Variants in PLXNB2 observed in about 807,000 individuals in gnomAD.
PLXNB2 encodes plexin-B2.
In PLXNB2, 85 loss-of-function variants were observed where a neutral mutation model predicts 202.6. That is an observed-to-expected ratio of 0.42 (90% CI 0.35 to 0.50). The LOEUF is 0.50. Among genes scored for constraint, PLXNB2 ranks in the 20% least tolerant of loss-of-function variants. The pLI, the probability that PLXNB2 is intolerant of heterozygous loss-of-function variation, is 0.02. For synonymous variants in PLXNB2, 1,239 were observed against 1,137.6 expected (o/e 1.09, Z -1.79); for missense variants, 2,063 against 2,586.2 (o/e 0.80, Z 4.39).
rs899290181 is a variant in PLXNB2 at position 50,291,934 on chromosome 22, G to A, written c.-13-1337C>T. 6.6e-6 allele frequency among the ~76,000 whole-genome samples: 1 copy of A among 152,174 alleles called. No homozygotes were observed. Among genetic ancestry groups the A allele is most frequent in the Non-Finnish European group, 1.5e-5 (1 of 68,028 alleles). ...TGGCCTCCCCCACCTCCCTGTGCAG[G>A]CCCACCCCGTGCCTCCAGAGGGACT... On this transcript the variant is annotated intron_variant, in intron 2 of 36. Coordinates refer to ENST00000359337, the MANE Select transcript of PLXNB2 (RefSeq NM_012401.4). This position sits in a 1 kb window ranked among gnomAD's most constrained non-coding sequence, Gnocchi z 4.3.
At chr22:50,295,450 G>A (rs1189727031) in intron 1 of PLXNB2, among the ~76,000 whole-genome samples, 2 of 152,122 alleles carry the variant, frequency 1.3e-5, no homozygotes, top group African/African-American at 4.8e-5. Context: ...GAGACAGAAT[G>A]GTGAGCTACC....
chr22:50,287,644 C>G (rs1221168607), intron 7 of PLXNB2, 23 bp downstream of exon 7: 2 of 1,530,874 alleles, frequency 1.3e-6, no homozygotes. Context: ...GCCCAGGACC[C>G]CCACCCCAGA....
At chr22:50,287,838 C>G (rs779368724) in intron 6 of PLXNB2, 45 bp from the exon 7 acceptor site, 27 of 1,595,598 alleles carry the variant, frequency 1.7e-5, no homozygotes, top group Non-Finnish European at 2.3e-5. Flanking sequence ...GAGTCTTGTT[C>G]TCCCGGGACA....
chr22:50,286,422 C>T (rs914582768), intron 8 of PLXNB2, 135 bp from the exon 9 acceptor site: 5 of 633,688 alleles, frequency 7.9e-6, no homozygotes, highest in African/African-American at 1.8e-5. Context: ...GGACGCCCCG[C>T]ATTCATGTTG....
rs772435940 is a variant in PLXNB2, at chr22:50,280,539, C to A, written c.4125G>T (p.Glu1375Asp). The A allele has an allele frequency of 1.2e-6, 2 of 1,611,782 alleles. No individual in the cohort carries two copies. ...TGGCCACCACGTACTGCTCCAGGAG[C>A]TCCAGGAAGAGCGTGTGCATGATGT... ...YTDIMHTLFL[E>D]LLEQYVVAKN... The change falls in exon 25 of 37, where the codon GAG becomes GAT. Residue 1375 changes from glutamate to aspartate, a missense_variant. By Grantham distance (45) the Glu-to-Asp change is conservative. Coordinates refer to ENST00000359337, the MANE Select transcript of PLXNB2 (RefSeq NM_012401.4).
chr22:50,275,262 T>C lies in PLXNB2; in HGVS notation c.*442A>G, dbSNP rs2065465573. On this transcript the variant is annotated 3_prime_UTR_variant, in exon 37 of 37. Transcript: ENST00000359337. The stretch of plus-strand genomic sequence containing the variant: ...GGCATCGTACCGCTTTTTCTCCTCC[T>C]CCCATCTCGTGGTGGACAGACAGAC... 1 of 388,194 alleles carries C rather than the reference T, an allele frequency of 2.6e-6. No individual in the cohort carries two copies. Among genetic ancestry groups the C allele is most frequent in the Admixed American group, 3.4e-5 (1 of 29,754 alleles). The allele number at this position is 388,194 out of a possible 1,614,324, so 24.0% of individuals were successfully genotyped here. A position where few individuals can be genotyped will look rare whatever the true frequency, so the allele number is the denominator to read the frequency against.
At position 50,284,517 on chromosome 22, in the gene PLXNB2, A is replaced by AC; in HGVS notation, c.2181+55dup. On this transcript the variant is annotated intron_variant, in intron 12 of 36. Transcript: ENST00000359337. This position sits in a 1 kb window ranked among gnomAD's most constrained non-coding sequence, Gnocchi z 8.0. ...CTCACAGTCCTGAAGGTGACCCCCC[A>AC]CCCCACCCGGGGCCCTGGGGTCCAG... 6.7e-6 allele frequency: 8 copies of AC among 1,197,984 alleles called. No individual in the cohort carries two copies. Among genetic ancestry groups the AC allele is most frequent in the Admixed American group, 6.7e-5 (3 of 44,988 alleles). 74.2% of individuals were successfully genotyped at this position (1,197,984 alleles called of 1,614,324 possible).
chr22:50,295,306 CAA>C (rs760999233), intron 1 of PLXNB2, among the ~76,000 whole-genome samples: 63 of 84,744 alleles, frequency 7.4e-4, no homozygotes, highest in African/African-American at 1.1e-3. Context: ...GACTTCGTCT[CAA>C]AAAAAAAAAA....
chr22:50,282,767 G>A lies in PLXNB2; in HGVS notation c.2931C>T (p.Phe977=), dbSNP rs759517353. Reference sequence around the variant, plus strand: ...GCAGTACGGGGTTTTCGCGGTAGGTGAAGAAGATGCCGGGGTTGGGCACGG... The same window carrying A: ...GCAGTACGGGGTTTTCGCGGTAGGTAAAGAAGATGCCGGGGTTGGGCACGG... ...GSPVPNPGIF[F]TYRENPVLRA... Residue 977 remains phenylalanine, a synonymous_variant, in exon 18 of 37, where the codon TTC becomes TTT. Transcript: ENST00000359337. The A allele has an allele frequency of 1.6e-5, 26 of 1,589,566 alleles. No homozygotes were observed. The highest frequency in any genetic ancestry group is 2.2e-5 in the Non-Finnish European group (26 of 1,172,272).
intron 20 of PLXNB2, 42 bp downstream of exon 20, chr22:50,281,812 A>T: frequency 6.3e-7 from 1 of 1,590,652 alleles, no homozygotes; most frequent in East Asian, 2.2e-5. Flanking sequence ...CTCAGCCCAG[A>T]CCCGAGCAGG....
chr22:50,281,309 G>T (rs754727276), intron 22 of PLXNB2, 51 bp downstream of exon 22: 1 of 1,601,256 alleles, frequency 6.2e-7, no homozygotes, highest in Admixed American at 1.7e-5. Context: ...AGGGGCCGAG[G>T]CGGGAGGGCC....
At chr22:50,282,662 G>A in intron 18 of PLXNB2, 49 bp downstream of exon 18, 3 of 1,362,128 alleles carry the variant, frequency 2.2e-6, no homozygotes, top group Non-Finnish European at 3.1e-6. Context: ...GCACTGAGGA[G>A]GCAGCTGGGT....
rs34197202 is a variant in PLXNB2 at position 50,296,590 on chromosome 22, C to CAA, written c.-73-1814_-73-1813dup. Among the ~76,000 whole-genome samples the CAA allele has an allele frequency of 6.1e-3, 338 of 55,306 alleles. 3 individuals carry two copies. Among genetic ancestry groups the CAA allele is most frequent in the African/African-American group, 0.01 (143 of 14,192 alleles). The allele number at this position is 55,306 out of a possible 152,430, so 36.3% of individuals were successfully genotyped here. On this transcript the variant is annotated intron_variant, in intron 1 of 36. Coordinates refer to ENST00000359337, the MANE Select transcript of PLXNB2 (RefSeq NM_012401.4). ...CTGGGGAAAGAGCAAGACTCTGTCT[C>CAA]AAAAAAAAAAAAAAAAAAAAAAAGG...
Position 50,278,245 on chromosome 22 carries a change from G to T in PLXNB2, c.4759C>A (p.Arg1587=), listed in dbSNP as rs762362721. The change falls in exon 31 of 37, where the codon CGG becomes AGG. Residue 1587 remains arginine (R), a synonymous_variant. Coordinates refer to ENST00000359337, the MANE Select transcript of PLXNB2 (RefSeq NM_012401.4). ...GTCGGCCGCACCAGGTGCCACACCC[G>T]GTTCTCCTCCTCCAGGAGGGCATGG... The part of the protein sequence containing the change: ...ERHALLEEEN[R]VWHLVRPTDE... The T allele has an allele frequency of 1.9e-6, 3 of 1,610,800 alleles. No homozygotes were observed. Among genetic ancestry groups the T allele is most frequent in the Non-Finnish European group, 2.5e-6 (3 of 1,179,920 alleles).
At chr22:50,296,402 A>C in intron 1 of PLXNB2, among the ~76,000 whole-genome samples, 1 of 145,156 alleles carries the variant, frequency 6.9e-6, no homozygotes, top group Non-Finnish European at 1.5e-5. Flanking sequence ...TCTAAGATTA[A>C]AGCAAAACAC....
At chr22:50,282,917 T>A in intron 17 of PLXNB2, 36 bp from the exon 18 acceptor site, 2 of 1,572,202 alleles carry the variant, frequency 1.3e-6, no homozygotes, top group Non-Finnish European at 1.7e-6. Context: ...CATCAACCCC[T>A]CCCCCGGGAC....
chr22:50,281,650 G>A lies in PLXNB2; in HGVS notation c.3438C>T (p.Asp1146=), dbSNP rs370569183. Reference sequence around the variant, plus strand: ...GCACCTCCGGGGGCTCACAGTACAGGTCGGTCTCCGTCAGCGTCTTCATGG... The same window carrying A: ...GCACCTCCGGGGGCTCACAGTACAGATCGGTCTCCGTCAGCGTCTTCATGG... The part of the protein sequence containing the change: ...RCTMKTLTET[D]LYCEPPEVQP... The change falls in exon 21 of 37, where the codon GAC becomes GAT. Residue 1146 remains aspartate, a synonymous_variant. Transcript: ENST00000359337. 5.8e-5 allele frequency: 92 copies of A among 1,594,522 alleles called. No homozygotes were observed. The highest frequency in any genetic ancestry group is 1.6e-5 in the Non-Finnish European group (19 of 1,169,040).
rs377352103 is a variant in PLXNB2, at chr22:50,281,751, GC to G, written c.3346-10del. On this transcript the variant is annotated splice_polypyrimidine_tract_variant and intron_variant, in intron 20 of 36. Coordinates refer to ENST00000359337, the MANE Select transcript of PLXNB2 (RefSeq NM_012401.4). ...TTGTTCAGATTGGTGCCCTGGGGAGGCGGCAGTGGTCGGGGTGAGGAGGAGG... is the reference window on the plus strand; with the variant it reads ...TTGTTCAGATTGGTGCCCTGGGGAGGGGCAGTGGTCGGGGTGAGGAGGAGG... 3.2e-6 allele frequency: 5 copies of G among 1,559,412 alleles called. No homozygotes were observed. The highest frequency in any genetic ancestry group is 3.5e-6 in the Non-Finnish European group (4 of 1,151,568).
intron 8 of PLXNB2, among the ~76,000 whole-genome samples, chr22:50,286,826 C>T (rs1218021397): frequency 1.3e-5 from 2 of 152,188 alleles, no homozygotes; most frequent in African/African-American, 4.8e-5. Context: ...GGCCTGGCGC[C>T]TGGCACCCAC....
Sources: allele counts gnomAD v4.1 joint callset (sites outside exome capture counted in the v4.1 genomes callset), GRCh38; gene constraint gnomAD v4.1.1; non-coding constraint Gnocchi (gnomAD v3.1); transcripts MANE v1.5; gene names NCBI Gene and HGNC (gene_info 2026-07-23, HGNC 2026-07-21).